Variants in RAB6B observed in about 807,000 individuals in gnomAD.
RAB6B encodes the protein ras-related protein Rab-6B.
In RAB6B, 7 loss-of-function variants were observed where a neutral mutation model predicts 31.2. The observed-to-expected ratio is 0.22, with a 90% CI of 0.13 to 0.42. The LOEUF (loss-of-function observed/expected upper bound fraction) is 0.42, where lower values mean the gene tolerates loss of function less well. Ranked by LOEUF, RAB6B falls within the 10% of genes least tolerant of loss-of-function variation. The pLI, the probability that RAB6B is intolerant of heterozygous loss-of-function variation, is 1.00. For missense variants in RAB6B, 149 were observed against 280.6 expected, an observed-to-expected ratio of 0.53 and a Z score of 3.35; for synonymous variants, 105 against 104.9, an observed-to-expected ratio of 1.00 and a Z score of -0.01.
intron 1 of RAB6B, among the ~76,000 whole-genome samples, chr3:133,888,371 G>A (rs1366178697): frequency 2.6e-5 from 4 of 152,238 alleles, no homozygotes; most frequent in African/African-American, 4.8e-5. Context: ...TAAATGCCAC[G>A]TGAGTGAACT....
chr3:133,885,199 A>C (rs1202812838), intron 1 of RAB6B, among the ~76,000 whole-genome samples: 1 of 150,736 alleles, frequency 6.6e-6, no homozygotes, highest in Non-Finnish European at 1.5e-5. Context: ...TCACACATCC[A>C]ACAGCCAGAG....
chr3:133,848,467 C>G lies in RAB6B; in HGVS notation c.130-6804G>C, dbSNP rs141422420. On this transcript the variant is annotated intron_variant, in intron 2 of 7. Transcript: ENST00000285208. Reference sequence around the variant, plus strand: ...CATGTAGCAGGCAGGATGTCTTAGTCCATTTTCTGCTGCTGTAACAGAATC... The same window carrying G: ...CATGTAGCAGGCAGGATGTCTTAGTGCATTTTCTGCTGCTGTAACAGAATC... 4.8e-3 allele frequency among the ~76,000 whole-genome samples: 728 copies of G among 152,322 alleles called. 9 individuals are homozygous for G. Among genetic ancestry groups the G allele is most frequent in the African/African-American group, 0.016 (673 of 41,562 alleles).
rs1045437485 is a variant in RAB6B, at chr3:133,859,927, A to G, written c.129+4657T>C. ...TGTTACACAAAGAAATGATCTGGAG[A>G]CACCTTGTGAGAATAAAAAGACATG... On this transcript the variant is annotated intron_variant, in intron 2 of 7. Transcript: ENST00000285208. 1.3e-5 allele frequency among the ~76,000 whole-genome samples: 2 copies of G among 152,296 alleles called. 1 individual carries two copies. The highest frequency in any genetic ancestry group is 4.1e-4 in the South Asian group (2 of 4,824).
chr3:133,845,545 C>T (rs1275546904), intron 2 of RAB6B, among the ~76,000 whole-genome samples: 1 of 152,216 alleles, frequency 6.6e-6, no homozygotes, highest in Non-Finnish European at 1.5e-5. Flanking sequence ...ATACGTTACC[C>T]AGTCTATTTT....
intron 2 of RAB6B, among the ~76,000 whole-genome samples, chr3:133,859,377 C>T (rs1256558639): frequency 6.6e-6 from 1 of 152,108 alleles, no homozygotes. Context: ...AGAATCTTGC[C>T]GGAAGTCCTA....
At chr3:133,862,948 C>A (rs1196792991) in intron 2 of RAB6B, among the ~76,000 whole-genome samples, 1 of 152,204 alleles carries the variant, frequency 6.6e-6, no homozygotes, top group Non-Finnish European at 1.5e-5. Flanking sequence ...CATACACACA[C>A]ATGCATGCAC....
intron 6 of RAB6B, among the ~76,000 whole-genome samples, chr3:133,837,019 G>C (rs1417375044): frequency 6.6e-6 from 1 of 152,110 alleles, no homozygotes; most frequent in Non-Finnish European, 1.5e-5. Context: ...AGCAATGCTG[G>C]GGTGGCAGGG....
intron 2 of RAB6B, among the ~76,000 whole-genome samples, chr3:133,860,600 A>G (rs1936147052): frequency 6.6e-6 from 1 of 152,232 alleles, no homozygotes; most frequent in Admixed American, 6.5e-5. Context: ...TGCAGTGAGG[A>G]TCACCTGCAA....
rs891165660 is a variant in RAB6B at position 133,824,817 on chromosome 3, C to T, written c.*3971G>A. ...ATGGTCTGAGGAACACACCCACACA[C>T]AGCAGTCCTTGCTGTGTAATAAATA... On this transcript the variant is annotated 3_prime_UTR_variant, in exon 8 of 8. Coordinates refer to ENST00000285208, the MANE Select transcript of RAB6B (RefSeq NM_016577.4). 2.6e-5 allele frequency: 4 copies of T among 152,134 alleles called. No individual in the cohort carries two copies. The highest frequency in any genetic ancestry group is 5.9e-5 in the Non-Finnish European group (4 of 68,018). 9.4% of individuals were successfully genotyped at this position (152,134 alleles called of 1,614,324 possible). A position where few individuals can be genotyped will look rare whatever the true frequency, so the allele number is the denominator to read the frequency against.
chr3:133,834,535 C>T, intron 7 of RAB6B, 40 bp downstream of exon 7: 1 of 1,568,666 alleles, frequency 6.4e-7, no homozygotes, highest in East Asian at 2.2e-5. Context: ...TAAATGGCTT[C>T]TATACATCTT....
intron 2 of RAB6B, among the ~76,000 whole-genome samples, chr3:133,843,716 C>T (rs558517514): frequency 2.8e-4 from 43 of 152,282 alleles, no homozygotes; most frequent in African/African-American, 9.1e-4. Context: ...TGCAGCTGGG[C>T]GGCTACATTC....
intron 1 of RAB6B, among the ~76,000 whole-genome samples, chr3:133,891,842 T>G (rs1576412973): frequency 6.6e-6 from 1 of 152,142 alleles, no homozygotes; most frequent in South Asian, 2.1e-4. Flanking sequence ...GGCAGGCAGG[T>G]GGCTGGTCAG....
At chr3:133,863,190 AT>A (rs1936188066) in intron 2 of RAB6B, among the ~76,000 whole-genome samples, 1 of 152,230 alleles carries the variant, frequency 6.6e-6, no homozygotes, top group Admixed American at 6.5e-5. Flanking sequence ...GCCTCTGTCA[AT>A]TCCTATGGTC....
chr3:133,886,100 C>T (rs1472168553), intron 1 of RAB6B, among the ~76,000 whole-genome samples: 1 of 152,148 alleles, frequency 6.6e-6, no homozygotes, highest in Non-Finnish European at 1.5e-5. Flanking sequence ...ATTTCTCCAC[C>T]CGCACCAGAA....
intron 2 of RAB6B, among the ~76,000 whole-genome samples, chr3:133,845,461 G>A (rs373541332): frequency 1.1e-4 from 16 of 152,214 alleles, no homozygotes; most frequent in Non-Finnish European, 1.8e-4. Context: ...CACCAGATGC[G>A]GAATCTGCTG....
chr3:133,882,216 C>T (rs1936477509), intron 1 of RAB6B, among the ~76,000 whole-genome samples: 2 of 152,242 alleles, frequency 1.3e-5, no homozygotes, highest in African/African-American at 2.4e-5. Flanking sequence ...CAGCAGCTTA[C>T]TTCTTCAAGG....
At chr3:133,871,721 G>A (rs1014991909) in intron 1 of RAB6B, among the ~76,000 whole-genome samples, 1 of 152,244 alleles carries the variant, frequency 6.6e-6, no homozygotes, top group African/African-American at 2.4e-5. Flanking sequence ...GGAGAGCAGG[G>A]GGCAGAGCAC....
chr3:133,846,707 C>A (rs1935913562), intron 2 of RAB6B, among the ~76,000 whole-genome samples: 1 of 152,104 alleles, frequency 6.6e-6, no homozygotes, highest in African/African-American at 2.4e-5. Context: ...CAACACATTA[C>A]ATACAAGGAA....
chr3:133,843,691 T>C (rs1935868558), intron 2 of RAB6B, among the ~76,000 whole-genome samples: 1 of 152,208 alleles, frequency 6.6e-6, no homozygotes, highest in Non-Finnish European at 1.5e-5. Flanking sequence ...AAAGAACATA[T>C]TTCCCAGCCT....
Sources: allele counts gnomAD v4.1 joint callset (sites outside exome capture counted in the v4.1 genomes callset), GRCh38; gene constraint gnomAD v4.1.1; transcripts MANE v1.5; gene names NCBI Gene and HGNC (gene_info 2026-07-23, HGNC 2026-07-21).